Variants in UBAP2 observed in about 807,000 individuals in gnomAD.
UBAP2 encodes ubiquitin-associated protein 2.
Under a neutral mutation model 139.6 loss-of-function variants are expected in UBAP2, and 75 were observed. The ratio of observed to expected loss-of-function variants is 0.54; its 90% CI spans 0.45 to 0.65. The LOEUF (loss-of-function observed/expected upper bound fraction) is 0.65. Ranked by LOEUF, UBAP2 falls within the 30% of genes least tolerant of loss-of-function variation. The pLI, the probability that UBAP2 is intolerant of heterozygous loss-of-function variation, is 0.00. For missense variants in UBAP2, 1,368 were observed against 1,369.6 expected, an observed-to-expected ratio of 1.00 and a Z score of 0.02; for synonymous variants, 526 against 526.2, an observed-to-expected ratio of 1.00 and a Z score of 0.01.
At chr9:33,975,449 A>AC (rs35564221) in intron 6 of UBAP2, among the ~76,000 whole-genome samples, 15,803 of 146,374 alleles carry the variant, frequency 0.11, 1,179 homozygotes, top group African/African-American at 0.2. Context: ...AAAAAACAAA[A>AC]AAAAAACCAA....
At chr9:34,044,404 A>G (rs1410000995) in intron 1 of UBAP2, among the ~76,000 whole-genome samples, 2 of 151,802 alleles carry the variant, frequency 1.3e-5, no homozygotes, top group African/African-American at 4.8e-5. Flanking sequence ...CTGTCTCGAA[A>G]AAAAAAAAAA....
chr9:34,021,635 T>A (rs1824949408), intron 1 of UBAP2, among the ~76,000 whole-genome samples: 4 of 5,438 alleles, frequency 7.4e-4, no homozygotes, highest in Admixed American at 4.0e-3. Context: ...CCATTTGATT[T>A]TTTTTTTTTT....
chr9:33,938,842 A>G (rs541466471), intron 16 of UBAP2: 3 of 428,906 alleles, frequency 7.0e-6, no homozygotes, highest in South Asian at 5.1e-5. Flanking sequence ...CATAGTTCAC[A>G]TGGTTTTTCT....
intron 1 of UBAP2, among the ~76,000 whole-genome samples, chr9:34,037,974 A>G (rs1164159567): frequency 2.8e-5 from 4 of 141,688 alleles, no homozygotes; most frequent in Non-Finnish European, 6.1e-5. Flanking sequence ...CAGCCTGTGC[A>G]ATATGATGAA....
At chr9:33,954,187 G>A (rs1215786757) in intron 11 of UBAP2, among the ~76,000 whole-genome samples, 4 of 151,594 alleles carry the variant, frequency 2.6e-5, no homozygotes, top group African/African-American at 4.8e-5. Context: ...AATTACAGGC[G>A]TGAGCCACCC....
intron 2 of UBAP2, among the ~76,000 whole-genome samples, chr9:34,007,641 TA>T (rs148116164): frequency 0.11 from 15,440 of 143,066 alleles, 1,191 homozygotes; most frequent in Non-Finnish European, 0.16. Context: ...TTGTATGTTT[TA>T]TTTTTATTTT....
At chr9:33,959,142 G>A (rs1329654841) in intron 10 of UBAP2, among the ~76,000 whole-genome samples, 1 of 147,570 alleles carries the variant, frequency 6.8e-6, no homozygotes, top group Non-Finnish European at 1.5e-5. Context: ...GCGAGAGCAA[G>A]GCCCTGTCTC....
At chr9:34,043,078 A>T (rs1827239019) in intron 1 of UBAP2, among the ~76,000 whole-genome samples, 1 of 152,134 alleles carries the variant, frequency 6.6e-6, no homozygotes, top group Non-Finnish European at 1.5e-5. Context: ...CAAAAAAAAC[A>T]ACTCTACATA....
chr9:34,032,916 C>A (rs75693769), intron 1 of UBAP2, among the ~76,000 whole-genome samples: 373 of 117,716 alleles, frequency 3.2e-3, no homozygotes, highest in East Asian at 6.0e-3. Flanking sequence ...ACCCTGTCTT[C>A]AAAAAAAAAA....
chr9:33,936,450 C>A (rs886075177), intron 16 of UBAP2, among the ~76,000 whole-genome samples: 1 of 151,714 alleles, frequency 6.6e-6, no homozygotes, highest in African/African-American at 2.4e-5. Context: ...CGCACCACTA[C>A]ACCAGGCTAA....
chr9:33,937,614 A>AAG (rs952063393), intron 16 of UBAP2, among the ~76,000 whole-genome samples: 1 of 151,250 alleles, frequency 6.6e-6, no homozygotes, highest in African/African-American at 2.4e-5. Flanking sequence ...AAAAAAAAAA[A>AAG]AAAAAAAATT....
At chr9:33,965,987 C>G in intron 8 of UBAP2, among the ~76,000 whole-genome samples, 1 of 150,734 alleles carries the variant, frequency 6.6e-6, no homozygotes, top group Non-Finnish European at 1.5e-5. Context: ...GAGGCAGAGC[C>G]TGCAGTGAGC....
intron 8 of UBAP2, among the ~76,000 whole-genome samples, chr9:33,965,904 C>T (rs1199786227): frequency 6.6e-6 from 1 of 151,934 alleles, no homozygotes; most frequent in African/African-American, 2.4e-5. Context: ...AAAAAATTAG[C>T]CAGGTGTGGT....
chr9:33,982,367 T>TAGG (rs1201769150), intron 6 of UBAP2, among the ~76,000 whole-genome samples: 2 of 152,210 alleles, frequency 1.3e-5, no homozygotes, highest in East Asian at 3.8e-4. Context: ...GCTCCACACT[T>TAGG]ACGACAACTT....
At chr9:34,008,497 A>G (rs1487404269) in intron 2 of UBAP2, among the ~76,000 whole-genome samples, 1 of 152,102 alleles carries the variant, frequency 6.6e-6, no homozygotes, top group Non-Finnish European at 1.5e-5. Flanking sequence ...TAATCTCAGC[A>G]CTTTGGGAGG....
At chr9:33,934,331 C>G (rs1232708901) in intron 17 of UBAP2, 2 of 155,766 alleles carry the variant, frequency 1.3e-5, no homozygotes, top group African/African-American at 4.8e-5. Flanking sequence ...TCCACACATA[C>G]AACTCAGATA....
chr9:34,045,343 AAAAAAAAAAAAGGGTAG>A (rs1039404346), intron 1 of UBAP2, among the ~76,000 whole-genome samples: 1 of 144,590 alleles, frequency 6.9e-6, no homozygotes, highest in Non-Finnish European at 1.5e-5. Flanking sequence ...GACTGTCTTC[AAAAAAAAAAAAGGGTAG>A]AAAAAAATAA....
rs2131055636 is a variant in UBAP2, at chr9:33,971,707, C to T, written c.623G>A (p.Cys208Tyr). Residue 208 changes from cysteine to tyrosine, a missense_variant, in exon 8 of 29, where the codon TGT becomes TAT. By Grantham distance (194) the Cys-to-Tyr change is radical (BLOSUM62 -2). Transcript: ENST00000379238. ...DYSDSTSTDV[C>Y]GTKLVVWEAA... is the part of the protein sequence containing the mutation. ...TTCCCAAACTACTAGCTTTGTCCCA[C>T]ACACATCTGTAGATGTAGAATCTGA... 3 of 1,612,956 alleles carry T rather than the reference C, an allele frequency of 1.9e-6. No homozygotes were observed. The highest frequency in any genetic ancestry group is 2.5e-6 in the Non-Finnish European group (3 of 1,178,912).
chr9:33,995,457 A>G (rs1564053469), intron 4 of UBAP2: 2 of 138,800 alleles, frequency 1.4e-5, no homozygotes, highest in Non-Finnish European at 3.1e-5. Context: ...TATTATATAT[A>G]ATATATATTA....
Sources: gnomAD v4.1 joint callset for allele counts (sites outside exome capture counted in the v4.1 genomes callset) on GRCh38, gnomAD v4.1.1 for gene constraint, MANE v1.5 for transcripts, NCBI Gene and HGNC (gene_info 2026-07-23, HGNC 2026-07-21) for gene names.